STAU1: variants seen among roughly 807,000 people sequenced by gnomAD.
STAU1 encodes the protein double-stranded RNA-binding protein Staufen homolog 1.
A neutral mutation model predicts 62.9 loss-of-function variants in STAU1; 13 were observed. The ratio of observed to expected loss-of-function variants is 0.21; its 90% CI spans 0.13 to 0.33. The LOEUF (loss-of-function observed/expected upper bound fraction) is 0.33. Among genes scored for constraint, STAU1 ranks in the 10% least tolerant of loss-of-function variants. The pLI is 1.00. For missense variants in STAU1, 571 were observed against 712.1 expected (o/e 0.80, Z 2.25); for synonymous variants, 269 against 265.1 (o/e 1.01, Z -0.14).
the STAU1 span, among the ~76,000 whole-genome samples, chr20:49,193,395 C>T: frequency 2.0e-5 from 3 of 151,844 alleles, no homozygotes; most frequent in Non-Finnish European, 4.4e-5. Flanking sequence ...AAAAAAAGGC[C>T]GGGCCGGTAG....
At chr20:49,135,571 C>T (rs191882906) in intron 6 of STAU1, among the ~76,000 whole-genome samples, 13 of 152,326 alleles carry the variant, frequency 8.5e-5, no homozygotes, top group Admixed American at 8.5e-4. Flanking sequence ...ACTAACACAA[C>T]CATCTTCAGA....
chr20:49,168,892 A>G (rs2093561243), intron 2 of STAU1, among the ~76,000 whole-genome samples: 1 of 152,138 alleles, frequency 6.6e-6, no homozygotes, highest in South Asian at 2.1e-4. Flanking sequence ...AGTAGCTTAT[A>G]TTCTTAGACA....
chr20:49,190,546 A>G (rs556189239), upstream of STAU1, among the ~76,000 whole-genome samples: 1 of 152,302 alleles, frequency 6.6e-6, no homozygotes, highest in South Asian at 2.1e-4. Context: ...TCTAGGCTCA[A>G]GCAATCCTCT....
intron 6 of STAU1, chr20:49,134,974 G>T (rs1600677545): frequency 1.2e-6 from 2 of 1,603,096 alleles, no homozygotes; most frequent in South Asian, 1.1e-5. Flanking sequence ...GCTTTGTGAA[G>T]AGACAGTTCA....
At chr20:49,153,520 A>T (rs955768361) in intron 4 of STAU1, among the ~76,000 whole-genome samples, 1 of 150,380 alleles carries the variant, frequency 6.6e-6, no homozygotes, top group Non-Finnish European at 1.5e-5. Flanking sequence ...ACCCCAGCCA[A>T]CATGGCAAAA....
At chr20:49,216,007 CAAAAAAAAAAAAAAAA>C in the STAU1 span, among the ~76,000 whole-genome samples, 1 of 36,452 alleles carries the variant, frequency 2.7e-5, no homozygotes, top group African/African-American at 9.1e-5. Context: ...GACTATGTCT[CAAAAAAAAAAAAAAAA>C]AAAAAAAAAA....
chr20:49,217,881 AT>A, the STAU1 span, among the ~76,000 whole-genome samples: 1,028 of 150,110 alleles, frequency 6.8e-3, 15 homozygotes, highest in African/African-American at 0.023. Context: ...AAATAAAATA[AT>A]TTTTTTTTGA....
intron 6 of STAU1, among the ~76,000 whole-genome samples, chr20:49,125,386 T>C (rs1172247904): frequency 6.6e-6 from 1 of 150,684 alleles, no homozygotes; most frequent in Non-Finnish European, 1.5e-5. Context: ...AAAAATTAGC[T>C]AGGGGTGGTG....
intron 3 of STAU1, among the ~76,000 whole-genome samples, chr20:49,157,486 T>A (rs2093378911): frequency 6.6e-6 from 1 of 151,662 alleles, no homozygotes; most frequent in Admixed American, 6.6e-5. Flanking sequence ...GCTAATTTTT[T>A]TTTTTTATTT....
At chr20:49,166,476 A>G (rs2093528297) in intron 2 of STAU1, among the ~76,000 whole-genome samples, 191 bp from the exon 3 acceptor site, 1 of 152,146 alleles carries the variant, frequency 6.6e-6, no homozygotes, top group Admixed American at 6.5e-5. Flanking sequence ...TGACTTTCCC[A>G]CAGTGTTTTT....
upstream of STAU1, among the ~76,000 whole-genome samples, chr20:49,192,512 T>G (rs1466541947): frequency 2.0e-5 from 3 of 152,070 alleles, no homozygotes; most frequent in African/African-American, 7.2e-5. Context: ...GAAAAAGACT[T>G]GAACAAAGAG....
intron 5 of STAU1, among the ~76,000 whole-genome samples, chr20:49,149,660 T>C (rs7272164): frequency 0.38 from 57,773 of 152,110 alleles, 11,106 homozygotes; most frequent in Middle Eastern, 0.5. Context: ...CTCATTCTTT[T>C]AACTTCACTA....
intron 5 of STAU1, among the ~76,000 whole-genome samples, chr20:49,150,644 A>G (rs984656299): frequency 1.3e-5 from 2 of 152,174 alleles, no homozygotes; most frequent in African/African-American, 4.8e-5. Flanking sequence ...TACAGGCGTG[A>G]GCCACTGCGC....
At chr20:49,174,676 G>C (rs1474958804) in intron 1 of STAU1, among the ~76,000 whole-genome samples, 2 of 152,152 alleles carry the variant, frequency 1.3e-5, no homozygotes, top group African/African-American at 4.8e-5. Flanking sequence ...GGTGGCGCAC[G>C]CCTGTAATCC....
chr20:49,156,441 A>T (rs1600770870), intron 3 of STAU1, among the ~76,000 whole-genome samples: 1 of 152,116 alleles, frequency 6.6e-6, no homozygotes, highest in East Asian at 1.9e-4. Context: ...AAGTTAAGAA[A>T]CCATTCATAT....
At chr20:49,127,824 G>T (rs192667486) in intron 6 of STAU1, among the ~76,000 whole-genome samples, 27 of 151,920 alleles carry the variant, frequency 1.8e-4, no homozygotes, top group Admixed American at 1.8e-3. Context: ...ACCAGCCTGG[G>T]CAACATGGCA....
At chr20:49,166,708 C>T (rs1436490076) in intron 2 of STAU1, among the ~76,000 whole-genome samples, 1 of 152,168 alleles carries the variant, frequency 6.6e-6, no homozygotes, top group East Asian at 1.9e-4. Context: ...GTTTATCATA[C>T]CAGGAACAGG....
chr20:49,219,276 C>T, the STAU1 span: 1 of 1,422,838 alleles, frequency 7.0e-7, no homozygotes, highest in South Asian at 1.4e-5. Flanking sequence ...ACGAAACCAA[C>T]CACGCCCCAT....
intron 5 of STAU1, among the ~76,000 whole-genome samples, chr20:49,136,452 T>C (rs186722420): frequency 3.9e-5 from 6 of 152,312 alleles, no homozygotes; most frequent in South Asian, 4.1e-4. Flanking sequence ...TTGAGTCAAA[T>C]TGTACCTCAT....
Sources: gnomAD v4.1 joint callset for allele counts (sites outside exome capture counted in the v4.1 genomes callset) on GRCh38, gnomAD v4.1.1 for gene constraint, MANE v1.5 for transcripts, NCBI Gene and HGNC (gene_info 2026-07-23, HGNC 2026-07-21) for gene names.